Variants in LRRC4C observed in about 807,000 individuals in gnomAD.
LRRC4C encodes leucine rich repeat containing 4C.
A neutral mutation model predicts 33.6 loss-of-function variants in LRRC4C; 5 were observed. The ratio of observed to expected loss-of-function variants is 0.15; its 90% CI spans 0.08 to 0.31. The LOEUF (loss-of-function observed/expected upper bound fraction) is 0.31. LRRC4C is among the 10% of genes least tolerant of loss of function. The pLI, the probability that LRRC4C is intolerant of heterozygous loss-of-function variation, is 1.00. For missense variants in LRRC4C, 560 were observed against 796.7 expected, an observed-to-expected ratio of 0.70 and a Z score of 3.58; for synonymous variants, 329 against 302.0, an observed-to-expected ratio of 1.09 and a Z score of -0.93.
At chr11:40,191,324 C>G (rs1861824782) in intron 5 of LRRC4C, among the ~76,000 whole-genome samples, 1 of 152,188 alleles carries the variant, frequency 6.6e-6, no homozygotes, top group South Asian at 2.1e-4. Context: ...ATTCTACTTT[C>G]AAAATACTGT....
At chr11:41,061,620 A>T (rs569392626) in intron 1 of LRRC4C, among the ~76,000 whole-genome samples, 1 of 152,190 alleles carries the variant, frequency 6.6e-6, no homozygotes, top group South Asian at 2.1e-4. Context: ...TAAATCAAGT[A>T]TCTAGTTCCC....
In LRRC4C at chr11:40,262,673, C is replaced by G. The variant is rs182709668; in HGVS notation, c.-175-21075G>C. ...AGCCATAAAAAGGATGAGTTCATGT[C>G]CTTTGCAGGGACATGGATGCAGCCA... On this transcript the variant is annotated intron_variant, in intron 4 of 6. Transcript: ENST00000528697. Among the ~76,000 whole-genome samples the G allele has an allele frequency of 1.1e-3, 171 of 152,186 alleles. 2 individuals are homozygous for G. The highest frequency in any genetic ancestry group is 0.011 in the Admixed American group (167 of 15,284).
At chr11:40,648,749 G>T (rs887629715) in intron 2 of LRRC4C, among the ~76,000 whole-genome samples, 1 of 152,116 alleles carries the variant, frequency 6.6e-6, no homozygotes, top group Non-Finnish European at 1.5e-5. Context: ...GCTTTTGTTA[G>T]CCTCATTTTT....
chr11:40,932,839 C>T (rs1957686773), intron 2 of LRRC4C, among the ~76,000 whole-genome samples: 1 of 152,114 alleles, frequency 6.6e-6, no homozygotes, highest in Admixed American at 6.6e-5. Context: ...CATGTGGTCA[C>T]ATCCTATTCA....
intron 4 of LRRC4C, among the ~76,000 whole-genome samples, chr11:40,262,095 A>G (rs1457893167): frequency 6.6e-6 from 1 of 152,210 alleles, no homozygotes; most frequent in East Asian, 1.9e-4. Flanking sequence ...ACAAAGGGCT[A>G]ATATCCAGAA....
Position 40,317,561 on chromosome 11 carries a change from A to T in LRRC4C, c.-176+2067T>A, listed in dbSNP as rs1416543311. Among the ~76,000 whole-genome samples, 3 of 152,194 alleles carry T rather than the reference A, an allele frequency of 2.0e-5. No individual in the cohort carries two copies. In the East Asian group the frequency reaches 5.8e-4, roughly 29 times the overall value. ...AAGTTTCTCAATGTATGCATTTGTG[A>T]TCATATTTCCTGAAACCCATGCCCT... is the stretch of plus-strand genomic sequence containing the variant. On this transcript the variant is annotated intron_variant, in intron 4 of 6. Transcript: ENST00000528697.
chr11:40,649,564 C>A (rs1249687161), intron 2 of LRRC4C, among the ~76,000 whole-genome samples: 1 of 152,100 alleles, frequency 6.6e-6, no homozygotes, highest in Non-Finnish European at 1.5e-5. Context: ...ACATGTTTTA[C>A]AATCAATTTG....
chr11:41,003,536 AATT>A (rs78014593), intron 1 of LRRC4C, among the ~76,000 whole-genome samples: 20,749 of 152,098 alleles, frequency 0.14, 1,469 homozygotes, highest in Non-Finnish European at 0.16. Flanking sequence ...GTCAACCGAC[AATT>A]ATGCTGAGGG....
Position 40,811,700 on chromosome 11 carries a change from T to C in LRRC4C, c.-407+121935A>G, listed in dbSNP as rs376662640. Among the ~76,000 whole-genome samples the C allele has an allele frequency of 1.9e-4, 29 of 152,244 alleles. No homozygotes were observed. In the South Asian group the frequency reaches 6.0e-3, roughly 32 times the overall value. On this transcript the variant is annotated intron_variant, in intron 2 of 6. Transcript: ENST00000528697. ...TTTAGTAGAGAAGGGTTTCACCATG[T>C]TGCCCAAGCTGGTCTCAAACTCTGA...
intron 5 of LRRC4C, among the ~76,000 whole-genome samples, chr11:40,196,667 ATCTAAGAT>A (rs1862287198): frequency 6.6e-6 from 1 of 152,220 alleles, no homozygotes; most frequent in Non-Finnish European, 1.5e-5. Context: ...GGCAGAGTAG[ATCTAAGAT>A]TTTACAAAAG....
At chr11:41,207,311 TCCCTCTC>T (rs1265034438) in intron 1 of LRRC4C, among the ~76,000 whole-genome samples, 1 of 152,174 alleles carries the variant, frequency 6.6e-6, no homozygotes, top group Non-Finnish European at 1.5e-5. Context: ...AGTTCCTCTC[TCCCTCTC>T]CCCTTAGTCA....
At chr11:41,254,512 C>A (rs1317112318) in intron 1 of LRRC4C, among the ~76,000 whole-genome samples, 2 of 152,068 alleles carry the variant, frequency 1.3e-5, no homozygotes, top group Non-Finnish European at 2.9e-5. Flanking sequence ...TTGTGATATA[C>A]CCCCAAATCA....
chr11:41,349,148 A>G (rs1362267267), intron 1 of LRRC4C, among the ~76,000 whole-genome samples: 1 of 152,132 alleles, frequency 6.6e-6, no homozygotes, highest in African/African-American at 2.4e-5. Flanking sequence ...TCATTCTTGT[A>G]GTGTGACCTT....
intron 2 of LRRC4C, among the ~76,000 whole-genome samples, chr11:40,707,286 A>G (rs1032888759): frequency 2.6e-5 from 4 of 152,080 alleles, no homozygotes; most frequent in Admixed American, 6.5e-5. Context: ...CCTGTCTTGC[A>G]CCAGTTTTCA....
chr11:40,896,540 A>AT (rs5791407), intron 2 of LRRC4C, among the ~76,000 whole-genome samples: 96,581 of 148,966 alleles, frequency 0.65, 35,730 homozygotes, highest in East Asian at 0.88. Context: ...CAATTAGAAT[A>AT]TTTTTTTTTT....
Position 40,873,642 on chromosome 11 carries a change from A to G in LRRC4C, c.-407+59993T>C, listed in dbSNP as rs752693923. Among the ~76,000 whole-genome samples the G allele has an allele frequency of 2.0e-5, 3 of 152,148 alleles. No individual in the cohort carries two copies. In the East Asian group the frequency reaches 5.8e-4, roughly 29 times the overall value. ...TGTAAATGTCTTCTTAATTTCCAGAATATTGATCAATATCGATCTCCCATA... is the reference window on the plus strand; with the variant it reads ...TGTAAATGTCTTCTTAATTTCCAGAGTATTGATCAATATCGATCTCCCATA... On this transcript the variant is annotated intron_variant, in intron 2 of 6. Transcript: ENST00000528697.
At chr11:40,260,417 G>C (rs368995526) in intron 4 of LRRC4C, among the ~76,000 whole-genome samples, 1 of 144,380 alleles carries the variant, frequency 6.9e-6, no homozygotes, top group Non-Finnish European at 1.5e-5. Context: ...GTTAGGGGGA[G>C]GGGGGAGGGA....
chr11:40,345,374 G>A (rs878902878), intron 3 of LRRC4C, among the ~76,000 whole-genome samples: 1 of 152,088 alleles, frequency 6.6e-6, no homozygotes, highest in Non-Finnish European at 1.5e-5. Flanking sequence ...GAATGGAATA[G>A]AAAGCACAGA....
chr11:40,719,721 T>C (rs1432637134), intron 2 of LRRC4C, among the ~76,000 whole-genome samples: 1 of 152,150 alleles, frequency 6.6e-6, no homozygotes, highest in Non-Finnish European at 1.5e-5. Context: ...GAGTAAGAAA[T>C]TATATTTGTA....
Sources: gnomAD v4.1 joint callset for allele counts (sites outside exome capture counted in the v4.1 genomes callset) on GRCh38, gnomAD v4.1.1 for gene constraint, MANE v1.5 for transcripts, NCBI Gene and HGNC (gene_info 2026-07-23, HGNC 2026-07-21) for gene names.